SHROOM3: variants seen among roughly 807,000 people sequenced by gnomAD.
The protein encoded by SHROOM3 is shroom family member 3.
A neutral mutation model predicts 138.6 loss-of-function variants in SHROOM3; 47 were observed. The observed-to-expected ratio is 0.34, with a 90% confidence interval of 0.27 to 0.43. The LOEUF (loss-of-function observed/expected upper bound fraction) is 0.43, where lower values mean the gene tolerates loss of function less well. Among genes scored for constraint, SHROOM3 ranks in the 20% least tolerant of loss-of-function variants. The probability of loss-of-function intolerance (pLI) is 1.00; values close to 1 mark genes in which losing one functional copy is unlikely to be tolerated. For missense variants in SHROOM3, 2,491 were observed against 2,596.5 expected, an observed-to-expected ratio of 0.96 and a Z score of 0.88; for synonymous variants, 1,062 against 1,063.3, an observed-to-expected ratio of 1.00 and a Z score of 0.02.
intron 2 of SHROOM3, among the ~76,000 whole-genome samples, chr4:76,690,725 A>G (rs1045845312): frequency 2.0e-5 from 3 of 152,132 alleles, no homozygotes; most frequent in Admixed American, 6.5e-5. Context: ...ATATTACACA[A>G]TCGTTGCAGA....
chr4:76,725,691 C>T (rs1720685019), intron 3 of SHROOM3, among the ~76,000 whole-genome samples: 1 of 152,100 alleles, frequency 6.6e-6, no homozygotes, highest in African/African-American at 2.4e-5. Context: ...GTACGAGGTC[C>T]CCTCAACTTT....
intron 2 of SHROOM3, among the ~76,000 whole-genome samples, chr4:76,605,929 C>CTA (rs1186057606): frequency 2.9e-4 from 40 of 139,972 alleles, no homozygotes; most frequent in Admixed American, 9.3e-4. Flanking sequence ...CTCTCTCTCT[C>CTA]TCTCTATATA....
Position 76,738,817 on chromosome 4 carries a change from A to C in SHROOM3, c.644A>C (p.Asp215Ala). ...CATGCTTATCTAAGGCGGAGCCCTG[A>C]CCAGTGCAGCTCCCAGGGGAGCATG... is the stretch of plus-strand genomic sequence containing the variant. ...YDHAYLRRSP[D>A]QCSSQGSMES... Residue 215 changes from aspartate to alanine, a missense_variant, in exon 5 of 11, where the codon GAC (aspartate) becomes GCC (alanine). Asp to Ala is a moderately radical substitution (Grantham distance 126). This residue lies in a region of SHROOM3 where 284 missense variants were observed against 322.8 expected (regional missense o/e 0.88). Transcript: ENST00000296043. 4.3e-6 allele frequency: 7 copies of C among 1,614,244 alleles called. No homozygotes were observed. The highest frequency in any genetic ancestry group is 5.9e-6 in the Non-Finnish European group (7 of 1,180,036).
intron 10 of SHROOM3, among the ~76,000 whole-genome samples, chr4:76,771,826 T>TA (rs1560624267): frequency 6.6e-6 from 1 of 152,184 alleles, no homozygotes; most frequent in Non-Finnish European, 1.5e-5. Flanking sequence ...ATTCCAGAGC[T>TA]ATAGAGCATT....
At chr4:76,552,845 G>T (rs1214834377) in intron 1 of SHROOM3, among the ~76,000 whole-genome samples, 2 of 151,944 alleles carry the variant, frequency 1.3e-5, no homozygotes, top group Non-Finnish European at 2.9e-5. Context: ...TTTTGTTTTT[G>T]TTTTCCCCTT....
chr4:76,672,160 C>T (rs72661497), intron 2 of SHROOM3, among the ~76,000 whole-genome samples: 4,271 of 151,980 alleles, frequency 0.028, 78 homozygotes, highest in Admixed American at 0.057. Flanking sequence ...TGATTTATCC[C>T]TCTAAAAAAA....
chr4:76,769,317 G>A (rs1722271496), intron 9 of SHROOM3, among the ~76,000 whole-genome samples: 1 of 150,522 alleles, frequency 6.6e-6, no homozygotes, highest in South Asian at 2.1e-4. Flanking sequence ...GAATTTTTGA[G>A]CTGGGGCCTT....
intron 2 of SHROOM3, among the ~76,000 whole-genome samples, chr4:76,576,037 T>C (rs746391554): frequency 6.6e-6 from 1 of 152,168 alleles, no homozygotes; most frequent in Non-Finnish European, 1.5e-5. Flanking sequence ...GGAACCCTCG[T>C]ACAGTGTTGG....
intron 2 of SHROOM3, among the ~76,000 whole-genome samples, chr4:76,568,032 C>G (rs957406966): frequency 2.6e-5 from 4 of 152,150 alleles, no homozygotes; most frequent in Non-Finnish European, 4.4e-5. Context: ...TCTCCTGTAT[C>G]CTCACACCCT....
intron 2 of SHROOM3, among the ~76,000 whole-genome samples, chr4:76,640,860 C>T (rs1343923885): frequency 6.6e-6 from 1 of 152,190 alleles, no homozygotes; most frequent in Non-Finnish European, 1.5e-5. Context: ...TTGGAACCAC[C>T]TAGAGTTGCC....
At chr4:76,629,335 AG>A (rs1735243153) in intron 2 of SHROOM3, among the ~76,000 whole-genome samples, 1 of 152,192 alleles carries the variant, frequency 6.6e-6, no homozygotes, top group South Asian at 2.1e-4. Flanking sequence ...AGAGTGAGTG[AG>A]GGAGGATAGT....
At chr4:76,488,159 A>AG (rs1293678360) in intron 1 of SHROOM3, among the ~76,000 whole-genome samples, 1 of 152,140 alleles carries the variant, frequency 6.6e-6, no homozygotes, top group Admixed American at 6.5e-5. Flanking sequence ...CAAATTGTTT[A>AG]AGTGTGTAAA....
chr4:76,748,511 C>A (rs1721516323), intron 5 of SHROOM3, among the ~76,000 whole-genome samples: 1 of 152,124 alleles, frequency 6.6e-6, no homozygotes, highest in Non-Finnish European at 1.5e-5. Flanking sequence ...TGTGAGTGAA[C>A]TTTTTCCTAG....
chr4:76,523,915 C>G (rs1732625156), intron 1 of SHROOM3, among the ~76,000 whole-genome samples: 1 of 152,186 alleles, frequency 6.6e-6, no homozygotes, highest in Non-Finnish European at 1.5e-5. Context: ...GGAAGCCTGT[C>G]ATCCAGGACG....
At chr4:76,551,878 T>C (rs1579231113) in intron 1 of SHROOM3, among the ~76,000 whole-genome samples, 2 of 151,544 alleles carry the variant, frequency 1.3e-5, no homozygotes, top group East Asian at 3.9e-4. Flanking sequence ...TTATTTTTTT[T>C]TGAGACAGAG....
chr4:76,734,231 C>T (rs1720964322), intron 4 of SHROOM3, among the ~76,000 whole-genome samples: 1 of 152,004 alleles, frequency 6.6e-6, no homozygotes, highest in African/African-American at 2.4e-5. Context: ...CCACTAGATA[C>T]TTCTTAGAAA....
Position 76,674,446 on chromosome 4 carries a change from T to C in SHROOM3, c.324-35710T>C, listed in dbSNP as rs754879702. ...TCATAACGTGAGGATTGAGGCTGAG[T>C]TGTCCTCTAATAGCAGGAAGCAGAA... On this transcript the variant is annotated intron_variant, in intron 2 of 10. Transcript: ENST00000296043. 2.0e-5 allele frequency among the ~76,000 whole-genome samples: 3 copies of C among 152,048 alleles called. No individual in the cohort carries two copies. In the South Asian group the frequency reaches 6.2e-4, roughly 32 times the overall value.
intron 2 of SHROOM3, among the ~76,000 whole-genome samples, chr4:76,682,813 G>T (rs1719235409): frequency 6.6e-6 from 1 of 152,168 alleles, no homozygotes; most frequent in African/African-American, 2.4e-5. Context: ...TCTAGCCATA[G>T]AAATTAATTC....
intron 9 of SHROOM3, among the ~76,000 whole-genome samples, chr4:76,769,674 G>T (rs1298589251): frequency 1.3e-5 from 2 of 152,204 alleles, no homozygotes; most frequent in Non-Finnish European, 2.9e-5. Flanking sequence ...AATTTCTAAT[G>T]ATTGTACAAG....
Sources: gnomAD v4.1 joint callset for allele counts (sites outside exome capture counted in the v4.1 genomes callset) on GRCh38, gnomAD v4.1.1 for gene constraint, gnomAD v4.1.1 regional missense constraint, MANE v1.5 for transcripts, NCBI Gene and HGNC (gene_info 2026-07-23, HGNC 2026-07-21) for gene names.